Variants in FRMPD1 observed in about 807,000 individuals in gnomAD.
The protein encoded by FRMPD1 is FERM and PDZ domain containing 1.
FRMPD1 carries 76 observed loss-of-function variants against 117.8 expected under a neutral mutation model. That is an observed-to-expected ratio of 0.65 (90% CI 0.54 to 0.78). FRMPD1 has a LOEUF of 0.78. Among genes scored for constraint, FRMPD1 ranks in the 30% least tolerant of loss-of-function variants. The probability of loss-of-function intolerance (pLI) is 0.00; values close to 1 mark genes in which losing one functional copy is unlikely to be tolerated. For missense variants in FRMPD1, 1,786 were observed against 1,964.5 expected, an observed-to-expected ratio of 0.91 and a Z score of 1.72; for synonymous variants, 783 against 770.4, an observed-to-expected ratio of 1.02 and a Z score of -0.27.
the FRMPD1 span, among the ~76,000 whole-genome samples, chr9:37,617,311 G>C: frequency 6.6e-6 from 1 of 152,332 alleles, no homozygotes; most frequent in South Asian, 2.1e-4. Flanking sequence ...CTGGAGTGAT[G>C]AGAACAAGAG....
chr9:37,630,948 T>C, the FRMPD1 span, among the ~76,000 whole-genome samples: 6 of 152,206 alleles, frequency 3.9e-5, no homozygotes, highest in Non-Finnish European at 7.3e-5. Context: ...CTTAGACTCA[T>C]ACCGTGACCT....
intron 1 of FRMPD1, among the ~76,000 whole-genome samples, chr9:37,664,675 C>T (rs1176645182): frequency 6.6e-6 from 1 of 152,132 alleles, no homozygotes; most frequent in South Asian, 2.1e-4. Context: ...AAGATATTCT[C>T]TAAGATATGC....
chr9:37,640,964 T>C, the FRMPD1 span, among the ~76,000 whole-genome samples: 1 of 152,244 alleles, frequency 6.6e-6, no homozygotes, highest in Non-Finnish European at 1.5e-5. Context: ...CTGGGCTCAC[T>C]GCAGCCTTGA....
chr9:37,744,753 T>C lies in FRMPD1; in HGVS notation c.2721T>C (p.Pro907=), dbSNP rs2118530278. ...CCAAGGCCTTGGGGCTGCTGGCTCCTCTGAGGGAGACCAAGAGCACAAACC... is the reference window on the plus strand; with the variant it reads ...CCAAGGCCTTGGGGCTGCTGGCTCCCCTGAGGGAGACCAAGAGCACAAACC... ...LETKALGLLA[P]LRETKSTNPA... is the part of the protein sequence containing the mutation. Residue 907 remains proline, a synonymous_variant, in exon 16 of 16, where the codon CCT becomes CCC. Transcript: ENST00000377765. 1 of 1,614,064 alleles carries C rather than the reference T, an allele frequency of 6.2e-7. No individual in the cohort carries two copies. Among genetic ancestry groups the C allele is most frequent in the East Asian group, 2.2e-5 (1 of 44,880 alleles).
intron 1 of FRMPD1, among the ~76,000 whole-genome samples, chr9:37,660,191 TG>T (rs1820961684): frequency 6.6e-6 from 1 of 151,610 alleles, no homozygotes; most frequent in African/African-American, 2.4e-5. Flanking sequence ...AGGAGAGAGA[TG>T]AATCAGACAG....
At chr9:37,673,398 TG>T (rs1821421514) in intron 1 of FRMPD1, among the ~76,000 whole-genome samples, 1 of 152,230 alleles carries the variant, frequency 6.6e-6, no homozygotes, top group Non-Finnish European at 1.5e-5. Context: ...CCTGTGGCTT[TG>T]CAGGGTACAG....
intron 1 of FRMPD1, among the ~76,000 whole-genome samples, chr9:37,680,668 G>A (rs1379849121): frequency 6.6e-6 from 1 of 152,196 alleles, no homozygotes; most frequent in Non-Finnish European, 1.5e-5. Context: ...GGCAAGGTGA[G>A]ATGGCAGAGG....
chr9:37,666,535 G>A (rs760847612), intron 1 of FRMPD1, among the ~76,000 whole-genome samples: 11 of 151,970 alleles, frequency 7.2e-5, no homozygotes, highest in African/African-American at 1.2e-4. Flanking sequence ...GTGTGCCCCC[G>A]TTGCCTTTCT....
At chr9:37,646,288 A>G (rs148430185), upstream of FRMPD1, among the ~76,000 whole-genome samples, 113 of 152,338 alleles carry the variant, frequency 7.4e-4, 1 homozygote, top group African/African-American at 2.7e-3. Context: ...TTCACTTCAG[A>G]AGGCTTAAGT....
At chr9:37,611,062 T>C in the FRMPD1 span, among the ~76,000 whole-genome samples, 1 of 152,234 alleles carries the variant, frequency 6.6e-6, no homozygotes, top group Non-Finnish European at 1.5e-5. Flanking sequence ...ATTTCACCCA[T>C]GTAAAAATAC....
intron 2 of FRMPD1, among the ~76,000 whole-genome samples, chr9:37,703,996 T>G (rs1054441187): frequency 6.6e-6 from 1 of 152,250 alleles, no homozygotes; most frequent in Non-Finnish European, 1.5e-5. Flanking sequence ...TAGACATTTA[T>G]TTTCATTTCT....
At chr9:37,637,301 G>T in the FRMPD1 span, 3 of 1,340,804 alleles carry the variant, frequency 2.2e-6, no homozygotes, top group African/African-American at 2.9e-5. Flanking sequence ...CATGGCGGCG[G>T]CGGAAGCCCG....
Position 37,740,960 on chromosome 9 carries a change from A to C in FRMPD1, c.2356+76A>C. The C allele has an allele frequency of 8.9e-7, 1 of 1,129,180 alleles. No homozygotes were observed. The highest frequency in any genetic ancestry group is 1.3e-6 in the Non-Finnish European group (1 of 745,806). The allele number at this position is 1,129,180 out of a possible 1,614,324, so 69.9% of individuals were successfully genotyped here. ...CTCCCGGGGATCAAGGCCTGGGGCC[A>C]AGCTTGAGAGGAAGGCACATGAGTG... On this transcript the variant is annotated intron_variant, in intron 15 of 15. Transcript: ENST00000377765. This position sits in a 1 kb window ranked among gnomAD's most constrained non-coding sequence, Gnocchi z 4.2.
chr9:37,612,452 G>A, the FRMPD1 span, among the ~76,000 whole-genome samples: 14,380 of 151,564 alleles, frequency 0.095, 862 homozygotes, highest in Middle Eastern at 0.15. Context: ...GGGTTCCAGC[G>A]ATTCTCCTGC....
At chr9:37,695,357 G>A (rs1474376557) in intron 2 of FRMPD1, among the ~76,000 whole-genome samples, 1 of 152,110 alleles carries the variant, frequency 6.6e-6, no homozygotes, top group East Asian at 1.9e-4. Context: ...TAGTGGGTGT[G>A]GAATGTTGTC....
chr9:37,720,984 A>G (rs1823375452), intron 6 of FRMPD1, among the ~76,000 whole-genome samples: 1 of 152,256 alleles, frequency 6.6e-6, no homozygotes, highest in African/African-American at 2.4e-5. Flanking sequence ...CAGGACAGGG[A>G]CAGAATAAAG....
At chr9:37,705,697 G>C (rs1339781488) in intron 2 of FRMPD1, among the ~76,000 whole-genome samples, 1 of 152,008 alleles carries the variant, frequency 6.6e-6, no homozygotes, top group Non-Finnish European at 1.5e-5. Flanking sequence ...TCAGGAATAG[G>C]CTGGGTGCGG....
At chr9:37,707,697 C>T in intron 3 of FRMPD1, 124 bp downstream of exon 3, 1 of 802,404 alleles carries the variant, frequency 1.2e-6, no homozygotes, top group Non-Finnish European at 2.0e-6. Context: ...TTAGAAAAGG[C>T]ACACCTAATT....
chr9:37,658,424 T>C (rs1820903533), intron 1 of FRMPD1, among the ~76,000 whole-genome samples: 1 of 152,196 alleles, frequency 6.6e-6, no homozygotes, highest in Non-Finnish European at 1.5e-5. Flanking sequence ...TCTGTCTGAC[T>C]ACTTCTTAGG....
Sources: allele counts gnomAD v4.1 joint callset (sites outside exome capture counted in the v4.1 genomes callset), GRCh38; gene constraint gnomAD v4.1.1; non-coding constraint Gnocchi (gnomAD v3.1); transcripts MANE v1.5; gene names NCBI Gene and HGNC (gene_info 2026-07-23, HGNC 2026-07-21).